BLM: variants seen among roughly 807,000 people sequenced by gnomAD.
The protein encoded by BLM is recQ-like DNA helicase BLM.
BLM carries 95 observed loss-of-function variants against 135.3 expected under a neutral mutation model. The ratio of observed to expected loss-of-function variants is 0.70; its 90% CI spans 0.59 to 0.83. The LOEUF is 0.83. Ranked by LOEUF, BLM falls within the 40% of genes least tolerant of loss-of-function variation. The pLI is 0.00. For synonymous variants in BLM, 520 were observed against 589.2 expected, an observed-to-expected ratio of 0.88 and a Z score of 1.70; for missense variants, 1,518 against 1,663.9, an observed-to-expected ratio of 0.91 and a Z score of 1.53.
intron 9 of BLM, among the ~76,000 whole-genome samples, 191 bp from the exon 10 acceptor site, chr15:90,766,719 C>A (rs1025407843): frequency 6.6e-6 from 1 of 152,186 alleles, no homozygotes; most frequent in Non-Finnish European, 1.5e-5. Flanking sequence ...TGAGCCACCA[C>A]GCCCTGCCTG....
intron 12 of BLM, among the ~76,000 whole-genome samples, chr15:90,774,807 CAA>C (rs530219766): frequency 0.16 from 18,647 of 114,428 alleles, 2,517 homozygotes; most frequent in African/African-American, 0.39. Context: ...ACACTCCAGC[CAA>C]AAAAAAAAAA....
chr15:90,811,523 A>G lies in BLM; in HGVS notation c.4076+117A>G, dbSNP rs887387997. 15 of 1,136,504 alleles carry G rather than the reference A, an allele frequency of 1.3e-5. No homozygotes were observed. In the African/African-American group the frequency reaches 2.3e-4, roughly 18 times the overall value. 70.4% of individuals were successfully genotyped at this position (1,136,504 alleles called of 1,614,324 possible). A position where few individuals can be genotyped will look rare whatever the true frequency, so the allele number is the denominator to read the frequency against. On this transcript the variant is annotated intron_variant, in intron 21 of 21. Coordinates refer to ENST00000355112, the MANE Select transcript of BLM (RefSeq NM_000057.4). ...AATAAGCCATTATTAAATATTGCTA[A>G]TGGAATGACAGTTGTTAATGGAGTG...
chr15:90,769,039 A>G, intron 10 of BLM, 94 bp from the exon 11 acceptor site: 1 of 1,135,350 alleles, frequency 8.8e-7, no homozygotes, highest in Non-Finnish European at 1.3e-6. Context: ...TAGAGGTTTT[A>G]ATACAGCTTA....
At chr15:90,747,237 C>CAAAAAAAAAAAA (rs59331923) in intron 1 of BLM, among the ~76,000 whole-genome samples, 152 bp from the exon 2 acceptor site, 2 of 39,254 alleles carry the variant, frequency 5.1e-5, no homozygotes, top group African/African-American at 1.9e-4. Context: ...GTCTATTGAC[C>CAAAAAAAAAAAA]AAAAAAAAAA....
chr15:90,769,474 A>T lies in BLM; in HGVS notation c.2443A>T (p.Asn815Tyr). Residue 815 changes from asparagine (N) to tyrosine (Y), a missense_variant, in exon 12 of 22, where the codon AAT becomes TAT. Physicochemically the swap from Asn to Tyr is moderately radical, Grantham distance 143. Coordinates refer to ENST00000355112, the MANE Select transcript of BLM (RefSeq NM_000057.4). The part of the protein sequence containing the change: ...HDFRQDYKRM[N>Y]MLRQKFPSVP... Reference sequence around the variant, plus strand: ...TTTTCGTCAAGATTACAAAAGAATGAATATGCTTCGCCAGAAGTTTCCTTC... The same window carrying T: ...TTTTCGTCAAGATTACAAAAGAATGTATATGCTTCGCCAGAAGTTTCCTTC... 1.9e-6 allele frequency: 3 copies of T among 1,614,182 alleles called. No individual in the cohort carries two copies. The highest frequency in any genetic ancestry group is 2.2e-5 in the South Asian group (2 of 91,082).
intron 16 of BLM, among the ~76,000 whole-genome samples, chr15:90,795,409 G>C (rs1897005902): frequency 6.6e-6 from 1 of 152,216 alleles, no homozygotes; most frequent in South Asian, 2.1e-4. Context: ...GAACCTGGTA[G>C]GTGGAGGCTG....
intron 1 of BLM, among the ~76,000 whole-genome samples, chr15:90,724,114 A>C (rs1894844536): frequency 6.6e-6 from 1 of 151,796 alleles, no homozygotes; most frequent in Non-Finnish European, 1.5e-5. Context: ...CTGGGCTCAG[A>C]TGATCCTTCT....
rs763072825 is a variant in BLM, at chr15:90,811,403, AG to A, written c.4076+1del. The A allele has an allele frequency of 1.9e-6, 3 of 1,613,980 alleles. No homozygotes were observed. The highest frequency in any genetic ancestry group is 2.7e-5 in the African/African-American group (2 of 74,934). ...ACTGCTTCCAGTGGTTCCAAGGCAA[AG>A]GGGTATGTTTTGTGACATCTTTTTC... ...RKTASSGSKA[K>X]GGSATCRKIS... On this transcript the variant is annotated frameshift_variant and splice_region_variant, in exon 21 of 22. Transcript: ENST00000355112. LOFTEE classifies it low-confidence loss of function (END_TRUNC).
chr15:90,754,825 T>C lies in BLM; in HGVS notation c.974T>C (p.Leu325Pro). Residue 325 changes from leucine (L) to proline (P), a missense_variant, in exon 5 of 22, where the codon CTT becomes CCT. Leu to Pro is a moderately conservative substitution (Grantham distance 98, BLOSUM62 -3). Around this residue, in one of 5 missense-constraint regions of BLM, gnomAD observed 724 missense variants for 756.9 expected, o/e 0.96. Transcript: ENST00000355112. ...SSKCLSTLKD[L>P]DTSDRKEDVL... ...TTTATTTGCAGTACGTTAAAGGACC[T>C]TGACACCTCTGACAGAAAAGAGGAT... 6.2e-7 allele frequency: 1 copy of C among 1,613,882 alleles called. No individual in the cohort carries two copies. Among genetic ancestry groups the C allele is most frequent in the Non-Finnish European group, 8.5e-7 (1 of 1,179,888 alleles).
At chr15:90,759,588 CCTTTCTTT>C (rs113032164) in intron 5 of BLM, among the ~76,000 whole-genome samples, 56 of 147,872 alleles carry the variant, frequency 3.8e-4, no homozygotes, top group South Asian at 1.7e-3. Flanking sequence ...AGCCAGACCC[CCTTTCTTT>C]CTTTCTTTCT....
In BLM at chr15:90,811,342, A is replaced by C; in HGVS notation, c.4012A>C (p.Lys1338Gln). Residue 1338 changes from lysine to glutamine, a missense_variant, in exon 21 of 22, where the codon AAG (lysine) becomes CAG (glutamine). Around this residue, in one of 5 missense-constraint regions of BLM, gnomAD observed 153 missense variants for 173.4 expected, o/e 0.88. Coordinates refer to ENST00000355112, the MANE Select transcript of BLM (RefSeq NM_000057.4). The part of the protein sequence containing the change: ...SKTRNERKRK[K>Q]MPASQRSKRR... ...AACCAGAAATGAAAGGAAGAGGAAA[A>C]AGATGCCAGCCTCCCAAAGGTCTAA... is the stretch of plus-strand genomic sequence containing the variant. 6.2e-7 allele frequency: 1 copy of C among 1,614,190 alleles called. No homozygotes were observed. Among genetic ancestry groups the C allele is most frequent in the Non-Finnish European group, 8.5e-7 (1 of 1,180,042 alleles).
At chr15:90,764,443 G>A (rs998488344) in intron 8 of BLM, among the ~76,000 whole-genome samples, 2 of 151,720 alleles carry the variant, frequency 1.3e-5, no homozygotes, top group Non-Finnish European at 2.9e-5. Flanking sequence ...CTTCAACTGG[G>A]TTCAAACAAT....
intron 1 of BLM, among the ~76,000 whole-genome samples, chr15:90,725,846 G>T (rs1414404140): frequency 1.3e-5 from 2 of 151,514 alleles, no homozygotes; most frequent in Non-Finnish European, 2.9e-5. Context: ...CTATTAAGTT[G>T]TCTCTGTTTT....
rs888786714 is a variant in BLM at position 90,815,080 on chromosome 15, T to A, written c.4077-22T>A. 1.2e-6 allele frequency: 2 copies of A among 1,612,900 alleles called. No individual in the cohort carries two copies. The highest frequency in any genetic ancestry group is 1.3e-5 in the African/African-American group (1 of 74,906). On this transcript the variant is annotated intron_variant, in intron 21 of 21. Transcript: ENST00000355112. The surrounding 1 kb of genome is among the most constrained non-coding windows in gnomAD (Gnocchi z 4.6). ...TTTTGGTTTCATTTAACATTTTGAT[T>A]TTTTTCTTTGTCACATTTCAGGGGG... is the stretch of plus-strand genomic sequence containing the variant.
At chr15:90,742,782 T>C (rs2238332) in intron 1 of BLM, among the ~76,000 whole-genome samples, 66,627 of 151,318 alleles carry the variant, frequency 0.44, 16,636 homozygotes, top group African/African-American at 0.7. Context: ...ACTACAGGCA[T>C]GTGCCACCTC....
chr15:90,766,745 G>A (rs541779166), intron 9 of BLM, among the ~76,000 whole-genome samples, 165 bp from the exon 10 acceptor site: 2 of 152,238 alleles, frequency 1.3e-5, no homozygotes, highest in Admixed American at 1.3e-4. Context: ...TGCTTAATAA[G>A]GGTTTTTTAA....
chr15:90,725,970 C>T (rs945099964), intron 1 of BLM, among the ~76,000 whole-genome samples: 1 of 151,852 alleles, frequency 6.6e-6, no homozygotes, highest in African/African-American at 2.4e-5. Flanking sequence ...GTGGATTTAA[C>T]ATAATTTTAG....
intron 14 of BLM, among the ~76,000 whole-genome samples, chr15:90,789,034 A>G (rs1896831839): frequency 1.1e-5 from 1 of 93,372 alleles, no homozygotes; most frequent in Admixed American, 1.3e-4. Flanking sequence ...TAAATAATCT[A>G]CAATGGAGAT....
intron 1 of BLM, among the ~76,000 whole-genome samples, chr15:90,745,276 A>G (rs1186994019): frequency 3.9e-5 from 6 of 152,180 alleles, no homozygotes; most frequent in African/African-American, 1.4e-4. Context: ...GGATTGAAAC[A>G]CACCTAATAT....
Sources: allele counts gnomAD v4.1 joint callset (sites outside exome capture counted in the v4.1 genomes callset), GRCh38; gene constraint gnomAD v4.1.1; regional missense constraint gnomAD v4.1.1; non-coding constraint Gnocchi (gnomAD v3.1); transcripts MANE v1.5; gene names NCBI Gene and HGNC (gene_info 2026-07-23, HGNC 2026-07-21).